The following CPNE4 variants were observed in gnomAD, a reference collection of about 807,000 sequenced individuals.
The protein encoded by CPNE4 is copine 4.
Under a neutral mutation model 67.9 loss-of-function variants are expected in CPNE4, and 25 were observed. The ratio of observed to expected loss-of-function variants is 0.37; its 90% CI spans 0.27 to 0.51. The LOEUF (loss-of-function observed/expected upper bound fraction) is 0.51, where lower values mean the gene tolerates loss of function less well. Ranked by LOEUF, CPNE4 falls within the 20% of genes least tolerant of loss-of-function variation. The probability of loss-of-function intolerance (pLI) is 0.93; values close to 1 mark genes in which losing one functional copy is unlikely to be tolerated. For missense variants in CPNE4, 464 were observed against 690.8 expected (o/e 0.67, Z 3.68); for synonymous variants, 242 against 244.9 (o/e 0.99, Z 0.11).
intron 1 of CPNE4, among the ~76,000 whole-genome samples, chr3:131,973,604 C>A (rs1236698783): frequency 1.3e-5 from 2 of 152,166 alleles, no homozygotes; most frequent in Non-Finnish European, 2.9e-5. Context: ...CCCAGCAGAG[C>A]TGGTGGCAGA....
chr3:131,967,116 C>T (rs1021912270), intron 1 of CPNE4, among the ~76,000 whole-genome samples: 1 of 152,166 alleles, frequency 6.6e-6, no homozygotes, highest in African/African-American at 2.4e-5. Flanking sequence ...GAACCAATGA[C>T]AAAAACCACA....
At chr3:131,849,533 C>T (rs2086151390) in intron 2 of CPNE4, among the ~76,000 whole-genome samples, 1 of 152,132 alleles carries the variant, frequency 6.6e-6, no homozygotes, top group Admixed American at 6.6e-5. Flanking sequence ...GGAAAATCCA[C>T]ACCCATGATC....
chr3:131,762,629 C>G (rs939414179), intron 2 of CPNE4, among the ~76,000 whole-genome samples: 2 of 151,884 alleles, frequency 1.3e-5, no homozygotes, highest in African/African-American at 2.4e-5. Flanking sequence ...AAAGGGTAAC[C>G]AGAATAGGAG....
At chr3:131,811,565 G>A (rs751553104) in intron 2 of CPNE4, among the ~76,000 whole-genome samples, 2 of 152,070 alleles carry the variant, frequency 1.3e-5, no homozygotes, top group African/African-American at 2.4e-5. Context: ...TTCCATGGGA[G>A]TTCACCCTTC....
chr3:131,738,854 CTTTTTT>C (rs34053204), intron 2 of CPNE4, among the ~76,000 whole-genome samples: 3 of 140,144 alleles, frequency 2.1e-5, no homozygotes, highest in South Asian at 2.2e-4. Context: ...TTTTCTTTTT[CTTTTTT>C]TTTTTTTTCT....
chr3:131,642,839 A>C (rs1219291362), intron 7 of CPNE4, among the ~76,000 whole-genome samples: 4 of 152,178 alleles, frequency 2.6e-5, no homozygotes, highest in Non-Finnish European at 4.4e-5. Context: ...GAGTCAATTA[A>C]ACATCTTTCC....
At chr3:131,927,154 T>A (rs1338767700) in intron 1 of CPNE4, among the ~76,000 whole-genome samples, 1 of 152,204 alleles carries the variant, frequency 6.6e-6, no homozygotes, top group East Asian at 1.9e-4. Flanking sequence ...ATTCCTATTT[T>A]ACGGATGGGT....
At chr3:131,946,222 T>C (rs868274596) in intron 1 of CPNE4, among the ~76,000 whole-genome samples, 24 of 152,134 alleles carry the variant, frequency 1.6e-4, no homozygotes, top group African/African-American at 4.8e-4. Flanking sequence ...CCACATTCCA[T>C]CTCTATGGAT....
At chr3:131,999,078 AG>A (rs1473529045) in intron 1 of CPNE4, among the ~76,000 whole-genome samples, 1 of 152,026 alleles carries the variant, frequency 6.6e-6, no homozygotes, top group East Asian at 1.9e-4. Flanking sequence ...CATGATAATA[AG>A]GGGCAATAGT....
At chr3:131,891,666 C>G (rs942216490) in intron 2 of CPNE4, among the ~76,000 whole-genome samples, 3 of 152,080 alleles carry the variant, frequency 2.0e-5, no homozygotes, top group Non-Finnish European at 2.9e-5. Flanking sequence ...TAAGTGAGAA[C>G]AGGTGGTATT....
intron 1 of CPNE4, among the ~76,000 whole-genome samples, chr3:131,966,922 A>C (rs1350714161): frequency 1.3e-5 from 2 of 152,082 alleles, no homozygotes; most frequent in African/African-American, 4.8e-5. Context: ...GAGACACAAC[A>C]AAGAAAATTT....
chr3:131,955,368 A>G (rs1344846902), intron 1 of CPNE4, among the ~76,000 whole-genome samples: 2 of 137,526 alleles, frequency 1.5e-5, no homozygotes, highest in African/African-American at 2.7e-5. Context: ...AAAAAGTGTT[A>G]AGTTGCACGC....
intron 11 of CPNE4, among the ~76,000 whole-genome samples, chr3:131,558,031 G>T (rs1936560624): frequency 1.3e-5 from 2 of 151,926 alleles, no homozygotes; most frequent in African/African-American, 4.8e-5. Flanking sequence ...TAGCGTTAAT[G>T]ATATTCCTTT....
At chr3:131,859,736 G>A (rs2086596090) in intron 2 of CPNE4, among the ~76,000 whole-genome samples, 1 of 152,182 alleles carries the variant, frequency 6.6e-6, no homozygotes, top group Admixed American at 6.5e-5. Flanking sequence ...ATCCACTGCA[G>A]ATGACAAGTG....
chr3:131,548,331 G>A (rs771171943), intron 14 of CPNE4, among the ~76,000 whole-genome samples: 1 of 152,176 alleles, frequency 6.6e-6, no homozygotes, highest in Non-Finnish European at 1.5e-5. Context: ...GCATTGTTTT[G>A]TGTACTAGGG....
At chr3:131,965,316 C>T (rs558776609) in intron 1 of CPNE4, among the ~76,000 whole-genome samples, 1 of 152,320 alleles carries the variant, frequency 6.6e-6, no homozygotes, top group African/African-American at 2.4e-5. Flanking sequence ...ACTGCATCAA[C>T]TAATGTGCAA....
chr3:131,883,115 G>T (rs2087746495), intron 2 of CPNE4, among the ~76,000 whole-genome samples: 1 of 152,068 alleles, frequency 6.6e-6, no homozygotes, highest in African/African-American at 2.4e-5. Flanking sequence ...AGAACTTATA[G>T]CCTATAAATA....
chr3:131,978,525 A>T (rs1374096689), intron 1 of CPNE4, among the ~76,000 whole-genome samples: 77 of 74,334 alleles, frequency 1.0e-3, no homozygotes, highest in African/African-American at 4.5e-3. Flanking sequence ...TATTTATATA[A>T]ATATAAATAT....
At chr3:131,962,926 A>T (rs2072226681) in intron 1 of CPNE4, among the ~76,000 whole-genome samples, 1 of 152,200 alleles carries the variant, frequency 6.6e-6, no homozygotes, top group South Asian at 2.1e-4. Flanking sequence ...ATCCTCTCTC[A>T]TTAAAAGTAA....
Sources: allele counts gnomAD v4.1 joint callset (sites outside exome capture counted in the v4.1 genomes callset), GRCh38; gene constraint gnomAD v4.1.1; transcripts MANE v1.5; gene names NCBI Gene and HGNC (gene_info 2026-07-23, HGNC 2026-07-21).